ZNF710: variants seen among roughly 807,000 people sequenced by gnomAD.
ZNF710 encodes the protein zinc finger protein 710.
ZNF710 carries 13 observed loss-of-function variants against 50.6 expected under a neutral mutation model. The observed-to-expected ratio is 0.26, with a 90% confidence interval of 0.17 to 0.41. The LOEUF (loss-of-function observed/expected upper bound fraction) is 0.41, where lower values mean the gene tolerates loss of function less well. Among genes scored for constraint, ZNF710 ranks in the 10% least tolerant of loss-of-function variants. ZNF710 has a pLI of 1.00. For missense variants in ZNF710, 721 were observed against 936.6 expected, an observed-to-expected ratio of 0.77 and a Z score of 3.01; for synonymous variants, 383 against 397.0, an observed-to-expected ratio of 0.96 and a Z score of 0.42.
chr15:90,031,613 C>T (rs1898952550), intron 1 of ZNF710, among the ~76,000 whole-genome samples: 1 of 152,208 alleles, frequency 6.6e-6, no homozygotes, highest in Non-Finnish European at 1.5e-5. Flanking sequence ...TTTGTTTTTG[C>T]TTGTTTTGCA....
intron 1 of ZNF710, among the ~76,000 whole-genome samples, chr15:90,028,305 G>T (rs185058450): frequency 6.6e-6 from 1 of 152,108 alleles, no homozygotes; most frequent in Non-Finnish European, 1.5e-5. Flanking sequence ...CAATAGTTCC[G>T]CATACAAATC....
intron 1 of ZNF710, among the ~76,000 whole-genome samples, chr15:90,029,698 C>G (rs1898876756): frequency 6.6e-6 from 1 of 152,116 alleles, no homozygotes; most frequent in African/African-American, 2.4e-5. Context: ...TCACTACAAC[C>G]TCCACCTCCG....
chr15:90,051,055 A>G (rs1439585524), intron 1 of ZNF710, among the ~76,000 whole-genome samples: 3 of 151,974 alleles, frequency 2.0e-5, no homozygotes, highest in Non-Finnish European at 2.9e-5. Context: ...CCTGGCCAAC[A>G]TGGTGAAACC....
chr15:90,039,406 C>T (rs966676421), intron 1 of ZNF710, among the ~76,000 whole-genome samples: 3 of 152,180 alleles, frequency 2.0e-5, no homozygotes, highest in African/African-American at 7.2e-5. Flanking sequence ...GGTCCACTAT[C>T]TTAGGCAAAA....
intron 1 of ZNF710, among the ~76,000 whole-genome samples, chr15:90,006,498 TC>T (rs1463290090): frequency 6.6e-6 from 1 of 152,174 alleles, no homozygotes; most frequent in Non-Finnish European, 1.5e-5. Context: ...GCTTGCAGTC[TC>T]CCTGGGAGGC....
chr15:90,028,700 T>G (rs949889509), intron 1 of ZNF710, among the ~76,000 whole-genome samples: 2 of 152,222 alleles, frequency 1.3e-5, no homozygotes, highest in Non-Finnish European at 2.9e-5. Flanking sequence ...GGTGATTTGT[T>G]GGGCAGTGTG....
upstream of ZNF710, among the ~76,000 whole-genome samples, chr15:89,998,334 A>G (rs1030947597): frequency 6.6e-6 from 1 of 152,120 alleles, no homozygotes; most frequent in Non-Finnish European, 1.5e-5. Context: ...CCTGGATTTC[A>G]TGAGGCCCAT....
In ZNF710 at chr15:90,067,059, G is replaced by C; in HGVS notation, c.-28-51G>C. The C allele has an allele frequency of 6.6e-7, 1 of 1,509,300 alleles. No individual in the cohort carries two copies. Among genetic ancestry groups the C allele is most frequent in the Non-Finnish European group, 8.8e-7 (1 of 1,130,056 alleles). 93.5% of individuals were successfully genotyped at this position (1,509,300 alleles called of 1,614,324 possible). On this transcript the variant is annotated intron_variant, in intron 1 of 4. Transcript: ENST00000268154. This position sits in a 1 kb window ranked among gnomAD's most constrained non-coding sequence, Gnocchi z 8.1. ...CTTGTCTGTGCTGTGTCTGTTGTCT[G>C]TCTGTGCAGGAGTGAGCCAGCAATA...
rs997683963 is a variant in ZNF710, at chr15:90,005,623, T to C, written c.-29+4009T>C. Among the ~76,000 whole-genome samples, 3 of 152,120 alleles carry C rather than the reference T, an allele frequency of 2.0e-5. No homozygotes were observed. The East Asian group carries it at 5.8e-4, about 29-fold the overall frequency. ...GCCACTACACCCAGCCTAATTTTTA[T>C]ATTTTTAGTAGAGACGGGGTTTCAC... On this transcript the variant is annotated intron_variant, in intron 1 of 4. Transcript: ENST00000268154.
At chr15:90,049,229 C>A (rs1277304989) in intron 1 of ZNF710, among the ~76,000 whole-genome samples, 1 of 152,132 alleles carries the variant, frequency 6.6e-6, no homozygotes, top group Non-Finnish European at 1.5e-5. Flanking sequence ...AGCTGTTATC[C>A]CCATTTTGCA....
intron 1 of ZNF710, among the ~76,000 whole-genome samples, chr15:90,019,794 G>A (rs1360827953): frequency 2.0e-5 from 3 of 152,212 alleles, no homozygotes; most frequent in Non-Finnish European, 4.4e-5. Flanking sequence ...GGCTCCCCAG[G>A]GTAACCTTCT....
Position 90,039,671 on chromosome 15 carries a change from A to G in ZNF710, c.-28-27439A>G, listed in dbSNP as rs1899239193. Among the ~76,000 whole-genome samples, 7 of 152,078 alleles carry G rather than the reference A, an allele frequency of 4.6e-5. No individual in the cohort carries two copies. In the South Asian group the frequency reaches 1.2e-3, roughly 27 times the overall value. On this transcript the variant is annotated intron_variant, in intron 1 of 4. Coordinates refer to ENST00000268154, the MANE Select transcript of ZNF710 (RefSeq NM_198526.4). ...TGTCCAAGCTGCTTGCCCCACCCCT[A>G]ATGGCCATAAACTGTCACTGGGTCA...
chr15:90,053,215 G>C (rs1567234916), intron 1 of ZNF710, among the ~76,000 whole-genome samples: 1 of 152,194 alleles, frequency 6.6e-6, no homozygotes, highest in Non-Finnish European at 1.5e-5. Context: ...GAGGGAGCTG[G>C]GCACCCTGAG....
chr15:90,078,892 G>T (rs571142973), intron 4 of ZNF710, among the ~76,000 whole-genome samples: 2 of 152,192 alleles, frequency 1.3e-5, no homozygotes, highest in African/African-American at 2.4e-5. Flanking sequence ...AGTTCCCCCA[G>T]ATCCTACCCT....
At chr15:90,042,952 C>T (rs898336991) in intron 1 of ZNF710, among the ~76,000 whole-genome samples, 11 of 152,246 alleles carry the variant, frequency 7.2e-5, no homozygotes, top group African/African-American at 2.7e-4. Flanking sequence ...TCGTGAGTGA[C>T]ATAGACCCAA....
At chr15:90,037,326 C>G (rs1899158683) in intron 1 of ZNF710, among the ~76,000 whole-genome samples, 1 of 152,176 alleles carries the variant, frequency 6.6e-6, no homozygotes, top group Non-Finnish European at 1.5e-5. Context: ...TTTGCCCTCC[C>G]AGGGCCACTG....
At chr15:90,041,289 C>T (rs935584663) in intron 1 of ZNF710, among the ~76,000 whole-genome samples, 4 of 152,182 alleles carry the variant, frequency 2.6e-5, no homozygotes, top group African/African-American at 4.8e-5. Context: ...CATCTGGGCT[C>T]AAGTGATCTT....
chr15:90,010,095 C>T (rs1037484252), intron 1 of ZNF710, among the ~76,000 whole-genome samples: 6 of 152,132 alleles, frequency 3.9e-5, no homozygotes, highest in African/African-American at 1.4e-4. Flanking sequence ...GCCTTGGCCA[C>T]AGTTCATTGC....
intron 1 of ZNF710, among the ~76,000 whole-genome samples, chr15:90,049,878 A>T (rs55951036): frequency 0.46 from 69,584 of 152,114 alleles, 19,051 homozygotes; most frequent in African/African-American, 0.74. Context: ...ATCTGAGGCG[A>T]GCATCTCCCT....
Sources: gnomAD v4.1 joint callset for allele counts (sites outside exome capture counted in the v4.1 genomes callset) on GRCh38, gnomAD v4.1.1 for gene constraint, Gnocchi (gnomAD v3.1) non-coding constraint, MANE v1.5 for transcripts, NCBI Gene and HGNC (gene_info 2026-07-23, HGNC 2026-07-21) for gene names.